The following STT3A variants were observed in gnomAD, a reference collection of about 807,000 sequenced individuals.
STT3A encodes STT3 oligosaccharyltransferase complex catalytic subunit A.
STT3A carries 34 observed loss-of-function variants against 89.2 expected under a neutral mutation model. The ratio of observed to expected loss-of-function variants is 0.38; its 90% CI spans 0.29 to 0.51. STT3A has a LOEUF of 0.51. Among genes scored for constraint, STT3A ranks in the 20% least tolerant of loss-of-function variants. STT3A has a pLI of 0.89. For synonymous variants in STT3A, 282 were observed against 310.3 expected (o/e 0.91, Z 0.96); for missense variants, 555 against 889.5 (o/e 0.62, Z 4.78).
intron 10 of STT3A, chr11:125,610,866 T>G (rs1281540944): frequency 6.6e-6 from 1 of 152,272 alleles, no homozygotes; most frequent in Non-Finnish European, 1.5e-5. Context: ...AGCCCGGGAG[T>G]TTGAGACCAG....
Position 125,602,345 on chromosome 11 carries a change from G to A in STT3A, c.192G>A (p.Gly64=), listed in dbSNP as rs767593980. ...YRTTRFLAEE[G]FYKFHNWFDD... ...CTACCAGGTTCCTGGCTGAGGAGGG[G>A]TTTTATAAATTCCATAACTGGTTTG... The change falls in exon 4 of 18, where the codon GGG becomes GGA. Residue 64 remains glycine (G), a synonymous_variant. Coordinates refer to ENST00000392708, the MANE Select transcript of STT3A (RefSeq NM_152713.5). The A allele has an allele frequency of 6.2e-7, 1 of 1,613,740 alleles. No individual in the cohort carries two copies. Among genetic ancestry groups the A allele is most frequent in the Non-Finnish European group, 8.5e-7 (1 of 1,179,932 alleles).
chr11:125,599,976 A>G (rs1939622351), intron 3 of STT3A, among the ~76,000 whole-genome samples: 1 of 149,604 alleles, frequency 6.7e-6, no homozygotes, highest in South Asian at 2.1e-4. Context: ...CGATCCATCC[A>G]CCTCTGCCTC....
chr11:125,597,212 A>G, intron 3 of STT3A, 93 bp downstream of exon 3: 2 of 1,283,236 alleles, frequency 1.6e-6, no homozygotes, highest in Non-Finnish European at 2.3e-6. Context: ...TCTCAGTGAT[A>G]GAGATGTGCT....
chr11:125,611,546 T>G, intron 11 of STT3A, 27 bp downstream of exon 11: 1 of 1,597,876 alleles, frequency 6.3e-7, no homozygotes, highest in Non-Finnish European at 8.6e-7. Context: ...TCTGGTAGAC[T>G]TTTTCACTCT....
At chr11:125,604,091 T>C in intron 5 of STT3A, 66 bp from the exon 6 acceptor site, 4 of 1,527,318 alleles carry the variant, frequency 2.6e-6, no homozygotes, top group Non-Finnish European at 2.7e-6. Context: ...AATGGACTAG[T>C]GGATCCTCTG....
At chr11:125,616,299 G>A (rs1394087483) in intron 15 of STT3A, among the ~76,000 whole-genome samples, 1 of 152,114 alleles carries the variant, frequency 6.6e-6, no homozygotes, top group Non-Finnish European at 1.5e-5. Context: ...ATCTCTAGAT[G>A]ATAATACTAA....
At chr11:125,615,297 T>C (rs1383071138) in intron 15 of STT3A, among the ~76,000 whole-genome samples, 1 of 152,110 alleles carries the variant, frequency 6.6e-6, no homozygotes, top group African/African-American at 2.4e-5. Context: ...TGAAGGTTTA[T>C]AATAAAAAGT....
intron 3 of STT3A, among the ~76,000 whole-genome samples, chr11:125,598,714 C>T (rs1939576260): frequency 1.3e-5 from 2 of 152,138 alleles, no homozygotes; most frequent in African/African-American, 4.8e-5. Flanking sequence ...AAGTGATCCC[C>T]CCACCTCAGT....
chr11:125,599,393 ACT>A (rs1289713091), intron 3 of STT3A, among the ~76,000 whole-genome samples: 1 of 151,558 alleles, frequency 6.6e-6, no homozygotes, highest in African/African-American at 2.4e-5. Context: ...CTAGTTTGAG[ACT>A]CTTTGTTTAT....
At chr11:125,592,729 G>C (rs890966032), upstream of STT3A, 1 of 297,876 alleles carries the variant, frequency 3.4e-6, no homozygotes, top group Non-Finnish European at 6.8e-6. Context: ...CTTGAATCGC[G>C]GCCCGGTTTA....
chr11:125,618,551 C>T lies in STT3A; in HGVS notation c.1953C>T (p.Tyr651=). ...KMCYYRFGQV[Y]TEAKRPPGFD... ...GTTACTATCGCTTTGGACAGGTTTACACAGAAGCCAGTGAGTGACTCATAA... is the reference window on the plus strand; with the variant it reads ...GTTACTATCGCTTTGGACAGGTTTATACAGAAGCCAGTGAGTGACTCATAA... Residue 651 remains tyrosine, a synonymous_variant, in exon 16 of 18, where the codon TAC becomes TAT. Coordinates refer to ENST00000392708, the MANE Select transcript of STT3A (RefSeq NM_152713.5). The T allele has an allele frequency of 2.5e-6, 4 of 1,611,586 alleles. No homozygotes were observed. The highest frequency in any genetic ancestry group is 3.4e-6 in the Non-Finnish European group (4 of 1,179,338).
chr11:125,621,165 C>T lies in STT3A; in HGVS notation c.*355C>T, dbSNP rs1940337871. ...AGACCTTGTCCATTCTCTTAGCTCC[C>T]TAAATTAGCCAAATAGAGACTTCTT... is the stretch of plus-strand genomic sequence containing the variant. On this transcript the variant is annotated 3_prime_UTR_variant, in exon 18 of 18. Transcript: ENST00000392708. The T allele has an allele frequency of 5.3e-6, 1 of 187,178 alleles. No individual in the cohort carries two copies. Among genetic ancestry groups the T allele is most frequent in the East Asian group, 1.3e-4 (1 of 7,798 alleles). 11.6% of individuals were successfully genotyped at this position (187,178 alleles called of 1,614,324 possible).
At chr11:125,615,224 G>A (rs1048596548) in intron 15 of STT3A, among the ~76,000 whole-genome samples, 7 of 151,978 alleles carry the variant, frequency 4.6e-5, no homozygotes, top group African/African-American at 9.7e-5. Flanking sequence ...CTGACATTGC[G>A]CCATTGGACT....
intron 1 of STT3A, chr11:125,593,388 A>C (rs1004564527): frequency 1.3e-5 from 2 of 152,502 alleles, no homozygotes; most frequent in African/African-American, 2.4e-5. Flanking sequence ...GCAGGGTGGC[A>C]GGAGATGCCA....
rs991377455 is a variant in STT3A at position 125,622,920 on chromosome 11, T to C, written c.*2110T>C. 1 of 151,854 alleles carries C rather than the reference T, an allele frequency of 6.6e-6. No individual in the cohort carries two copies. The highest frequency in any genetic ancestry group is 2.1e-4 in the South Asian group (1 of 4,808). 9.4% of individuals were successfully genotyped at this position (151,854 alleles called of 1,614,324 possible). Reference sequence around the variant, plus strand: ...GGGAAAACTCTGTCTCTACTAAAAATACAAAAATTAGCTGGGTGTGGGGTA... The same window carrying C: ...GGGAAAACTCTGTCTCTACTAAAAACACAAAAATTAGCTGGGTGTGGGGTA... On this transcript the variant is annotated 3_prime_UTR_variant, in exon 18 of 18. Coordinates refer to ENST00000392708, the MANE Select transcript of STT3A (RefSeq NM_152713.5).
intron 1 of STT3A, 76 bp from the exon 2 acceptor site, chr11:125,595,805 C>T: frequency 5.4e-6 from 4 of 745,828 alleles, no homozygotes; most frequent in Non-Finnish European, 7.0e-6. Flanking sequence ...TTTATGATTC[C>T]CTCTCATCAT....
chr11:125,592,791 TC>T (rs1369198699), upstream of STT3A: 1 of 216,114 alleles, frequency 4.6e-6, no homozygotes, highest in Non-Finnish European at 9.8e-6. Context: ...TCCAGAAGCG[TC>T]CTATTGGCCT....
chr11:125,616,811 G>A (rs1940193620), intron 15 of STT3A, among the ~76,000 whole-genome samples: 1 of 152,134 alleles, frequency 6.6e-6, no homozygotes, highest in Non-Finnish European at 1.5e-5. Flanking sequence ...CTGAGTAGCT[G>A]GGACTACAGG....
In STT3A at chr11:125,602,850, C is replaced by A; in HGVS notation, c.319C>A (p.His107Asn). ...AAIYHVLHFF[H>N]ITIDIRNVCV... The stretch of plus-strand genomic sequence containing the variant: ...AATCTACCATGTACTCCATTTTTTC[C>A]ACATCACCATCGACATTCGGAATGT... Residue 107 changes from histidine (H) to asparagine (N), a missense_variant, in exon 5 of 18, where the codon CAC becomes AAC. His to Asn is a moderately conservative substitution (Grantham distance 68). This residue lies in a region of STT3A where 129 missense variants were observed against 193.2 expected (regional missense o/e 0.67). Transcript: ENST00000392708. 1 of 1,613,840 alleles carries A rather than the reference C, an allele frequency of 6.2e-7. No homozygotes were observed. The highest frequency in any genetic ancestry group is 1.3e-5 in the African/African-American group (1 of 74,964).
Sources: gnomAD v4.1 joint callset for allele counts (sites outside exome capture counted in the v4.1 genomes callset) on GRCh38, gnomAD v4.1.1 for gene constraint, gnomAD v4.1.1 regional missense constraint, MANE v1.5 for transcripts, NCBI Gene and HGNC (gene_info 2026-07-23, HGNC 2026-07-21) for gene names.